MYH7: variants seen among roughly 807,000 people sequenced by gnomAD.
MYH7 encodes the protein myosin heavy chain 7.
In MYH7, 129 loss-of-function variants were observed where a neutral mutation model predicts 225.4. The ratio of observed to expected loss-of-function variants is 0.57; its 90% confidence interval spans 0.50 to 0.66. The LOEUF is 0.66. MYH7 is among the 30% of genes least tolerant of loss of function. The probability of loss-of-function intolerance (pLI) is 0.00; values close to 1 mark genes in which losing one functional copy is unlikely to be tolerated. For synonymous variants in MYH7, 971 were observed against 1,007.6 expected, an observed-to-expected ratio of 0.96 and a Z score of 0.69; for missense variants, 1,649 against 2,517.0, an observed-to-expected ratio of 0.66 and a Z score of 7.38.
chr14:23,422,480 G>A (rs1405284107), intron 24 of MYH7, among the ~76,000 whole-genome samples, 155 bp from the exon 25 acceptor site: 2 of 152,086 alleles, frequency 1.3e-5, no homozygotes, highest in Admixed American at 6.5e-5. Context: ...CTGTGAGATT[G>A]CCTAGATATA....
In MYH7 at chr14:23,419,574, G is replaced by A; in HGVS notation, c.3762C>T (p.Asp1254=). The A allele has an allele frequency of 3.1e-6, 5 of 1,613,970 alleles. No individual in the cohort carries two copies. Among genetic ancestry groups the A allele is most frequent in the Non-Finnish European group, 4.2e-6 (5 of 1,180,014 alleles). The change falls in exon 28 of 40, where the codon GAC becomes GAT. Residue 1254 remains aspartate (D), a synonymous_variant. Transcript: ENST00000355349. Reference sequence around the variant, plus strand: ...CCTTGCTCCGGTGCTCATTCATCTGGTCTTCCAAGGTCCGGCACATCTTCT... The same window carrying A: ...CCTTGCTCCGGTGCTCATTCATCTGATCTTCCAAGGTCCGGCACATCTTCT... ...NLEKMCRTLE[D]QMNEHRSKAE... is the part of the protein sequence containing the mutation.
rs1892122740 is a variant in MYH7, at chr14:23,414,975, G to A, written c.5559+20C>T. On this transcript the variant is annotated intron_variant, in intron 37 of 39. Coordinates refer to ENST00000355349, the MANE Select transcript of MYH7 (RefSeq NM_000257.4). ...TGGCTATGGTGCCAGGGCTCTGCCT[G>A]GAGTCACCGCCCGTCGCACCTGGTA... is the stretch of plus-strand genomic sequence containing the variant. 2 of 1,603,938 alleles carry A rather than the reference G, an allele frequency of 1.2e-6. No individual in the cohort carries two copies. The highest frequency in any genetic ancestry group is 4.5e-5 in the East Asian group (2 of 44,872).
chr14:23,429,979 G>C (rs1057442167), intron 11 of MYH7, 66 bp from the exon 12 acceptor site: 17 of 1,590,646 alleles, frequency 1.1e-5, no homozygotes, highest in Non-Finnish European at 1.5e-5. Context: ...GAGATCCCTT[G>C]TAAGTTGGAG....
chr14:23,427,464 T>C (rs926460123), intron 16 of MYH7, 121 bp downstream of exon 16: 2 of 1,484,670 alleles, frequency 1.3e-6, no homozygotes, highest in African/African-American at 1.4e-5. Context: ...TCCATCCCAC[T>C]GAGTCTGTAA....
rs1595070496 is a variant in MYH7 at position 23,413,873 on chromosome 14, G to A, written c.5676C>T (p.Asn1892=). 2.5e-6 allele frequency: 4 copies of A among 1,614,274 alleles called. No homozygotes were observed. The highest frequency in any genetic ancestry group is 1.1e-5 in the South Asian group (1 of 91,092). Residue 1892 remains asparagine (N), a synonymous_variant, in exon 39 of 40, where the codon AAC becomes AAT. Transcript: ENST00000355349. ...GCTGCACCTTGCGGAACTTGGACAG[G>A]TTGGTGTTGGCTTGCTCCTCCTGCG... ...AEEAEEQANT[N]LSKFRKVQHE...
chr14:23,418,905 C>T lies in MYH7; in HGVS notation c.3972+272G>A, dbSNP rs367882940. Among the ~76,000 whole-genome samples the T allele has an allele frequency of 3.7e-4, 56 of 152,316 alleles. No individual in the cohort carries two copies. In the East Asian group the frequency reaches 9.3e-3, roughly 25 times the overall value. ...TTGTGCAGTCCCTACATCCCCTAGC[C>T]GTGCCCGGGCAAGGCCATCTCGTGC... is the stretch of plus-strand genomic sequence containing the variant. On this transcript the variant is annotated intron_variant, in intron 29 of 39. Transcript: ENST00000355349.
At chr14:23,426,180 A>G (rs1328328498) in intron 18 of MYH7, 99 bp from the exon 19 acceptor site, 1 of 1,335,752 alleles carries the variant, frequency 7.5e-7, no homozygotes, top group African/African-American at 1.5e-5. Context: ...TAATCTTAGC[A>G]AGTCAGTTAG....
Position 23,428,662 on chromosome 14 carries a change from G to A in MYH7, c.1416C>T (p.Ser472=). The A allele has an allele frequency of 6.2e-7, 1 of 1,614,130 alleles. No homozygotes were observed. The highest frequency in any genetic ancestry group is 8.5e-7 in the Non-Finnish European group (1 of 1,179,964). The stretch of plus-strand genomic sequence containing the variant: ...TGAAGTTGATGCAGAGCTGCTCAAA[G>A]CTGTTGAACTGCAGGGGGCATGAGG... ...IAGFEIFDFN[S]FEQLCINFTN... Residue 472 remains serine (S), a synonymous_variant, in exon 15 of 40, where the codon AGC becomes AGT. Coordinates refer to ENST00000355349, the MANE Select transcript of MYH7 (RefSeq NM_000257.4).
chr14:23,431,206 A>G (rs79936669), intron 9 of MYH7, among the ~76,000 whole-genome samples: 269 of 152,268 alleles, frequency 1.8e-3, no homozygotes, highest in African/African-American at 6.2e-3. Flanking sequence ...CCAGAGAAAG[A>G]CACCTAGCCA....
At chr14:23,419,117 G>T in intron 29 of MYH7, 60 bp downstream of exon 29, 1 of 1,391,098 alleles carries the variant, frequency 7.2e-7, no homozygotes, top group Non-Finnish European at 1.0e-6. Flanking sequence ...GAAGTGATTT[G>T]ATGCAAGGCT....
intron 30 of MYH7, 183 bp from the exon 31 acceptor site, chr14:23,417,869 C>G: frequency 1.0e-6 from 1 of 965,434 alleles, no homozygotes; most frequent in Non-Finnish European, 1.7e-6. Flanking sequence ...CGTGGAGACC[C>G]AGGCACCCTC....
Position 23,416,918 on chromosome 14 carries a change from G to A in MYH7, c.4594C>T (p.Gln1532Ter). The change falls in exon 33 of 40, where the codon CAG becomes TAG. Residue 1532 changes from glutamine to a stop codon, truncating the protein, a stop_gained. Coordinates refer to ENST00000355349, the MANE Select transcript of MYH7 (RefSeq NM_000257.4). LOFTEE classifies it high-confidence loss of function. ...TIHELEKVRK[Q>*]LEAEKMELQS... ...AGCTCCATCTTCTCGGCCTCCAGCT[G>A]CTTTCGGACCTTCTCCAGCTCATGG... The A allele has an allele frequency of 6.2e-7, 1 of 1,614,236 alleles. No homozygotes were observed. The highest frequency in any genetic ancestry group is 8.5e-7 in the Non-Finnish European group (1 of 1,180,056).
At chr14:23,429,588 A>G (rs1892842266) in intron 12 of MYH7, among the ~76,000 whole-genome samples, 187 bp downstream of exon 12, 3 of 151,942 alleles carry the variant, frequency 2.0e-5, no homozygotes, top group Admixed American at 1.3e-4. Context: ...AGGCAGGAGA[A>G]TCACTTGAAC....
At chr14:23,435,364 C>CCA (rs3138591) in intron 1 of MYH7, among the ~76,000 whole-genome samples, 20,837 of 147,544 alleles carry the variant, frequency 0.14, 1,480 homozygotes, top group Non-Finnish European at 0.18. Flanking sequence ...GCAGGCTTGT[C>CCA]CACACACACA....
chr14:23,418,063 G>T, intron 30 of MYH7, 147 bp downstream of exon 30: 1 of 1,213,650 alleles, frequency 8.2e-7, no homozygotes, highest in Non-Finnish European at 1.2e-6. Flanking sequence ...TCCCTGAGAG[G>T]AGAAGGAGGT....
chr14:23,413,542 G>A (rs1474973199), intron 39 of MYH7, among the ~76,000 whole-genome samples: 6 of 150,576 alleles, frequency 4.0e-5, no homozygotes, highest in Admixed American at 4.0e-4. Context: ...ACTCCAGCCT[G>A]GGCGGCAGAG....
Position 23,415,384 on chromosome 14 carries a change from C to A in MYH7, c.5280G>T (p.Thr1760=). 1 of 1,614,200 alleles carries A rather than the reference C, an allele frequency of 6.2e-7. No homozygotes were observed. The highest frequency in any genetic ancestry group is 2.2e-5 in the East Asian group (1 of 44,872). ...GTCGGTGGAGTGGGGGACTTACATCCGTGATGGCCTTCTTGGCCTTCTCCT... is the reference window on the plus strand; with the variant it reads ...GTCGGTGGAGTGGGGGACTTACATCAGTGATGGCCTTCTTGGCCTTCTCCT... The part of the protein sequence containing the change: ...NAEEKAKKAI[T]DAAMMAEELK... Residue 1760 remains threonine, a synonymous_variant, in exon 36 of 40, where the codon ACG becomes ACT. Transcript: ENST00000355349. The surrounding 1 kb of genome is among the most constrained non-coding windows in gnomAD (Gnocchi z 6.3).
chr14:23,429,996 C>T, intron 11 of MYH7, 83 bp from the exon 12 acceptor site: 3 of 1,531,444 alleles, frequency 2.0e-6, no homozygotes, highest in East Asian at 2.3e-5. Flanking sequence ...GGAGAGAAAA[C>T]TTGTCTCCTT....
intron 22 of MYH7, 48 bp downstream of exon 22, chr14:23,424,721 T>A: frequency 6.2e-7 from 1 of 1,611,734 alleles, no homozygotes; most frequent in Non-Finnish European, 8.5e-7. Context: ...TTGTGGGAAG[T>A]GAAGGCAGAG....
Sources: allele counts gnomAD v4.1 joint callset (sites outside exome capture counted in the v4.1 genomes callset), GRCh38; gene constraint gnomAD v4.1.1; non-coding constraint Gnocchi (gnomAD v3.1); transcripts MANE v1.5; gene names NCBI Gene and HGNC (gene_info 2026-07-23, HGNC 2026-07-21).